The following COLEC10 variants were observed in gnomAD, a reference collection of about 807,000 sequenced individuals.
COLEC10 encodes collectin subfamily member 10.
COLEC10 carries 22 observed loss-of-function variants against 28.4 expected under a neutral mutation model. That is an observed-to-expected ratio of 0.78 (90% CI 0.55 to 1.11). The LOEUF is 1.11. COLEC10 is among the 50% of genes least tolerant of loss of function. The pLI is 0.00. For synonymous variants in COLEC10, 125 were observed against 116.1 expected (o/e 1.08, Z -0.49); for missense variants, 361 against 344.1 (o/e 1.05, Z -0.39).
At chr8:118,986,598 A>G in the COLEC10 span, among the ~76,000 whole-genome samples, 1 of 152,220 alleles carries the variant, frequency 6.6e-6, no homozygotes, top group African/African-American at 2.4e-5. Context: ...ATGAATGAAA[A>G]GAAGACCCAC....
chr8:119,044,959 T>TA (rs1347935653), intron 2 of COLEC10, among the ~76,000 whole-genome samples: 1 of 152,196 alleles, frequency 6.6e-6, no homozygotes. Flanking sequence ...CTGTCATCTA[T>TA]AAAATAAAGG....
At chr8:118,954,068 T>C in the COLEC10 span, among the ~76,000 whole-genome samples, 1 of 152,248 alleles carries the variant, frequency 6.6e-6, no homozygotes, top group Non-Finnish European at 1.5e-5. Flanking sequence ...AAATCTAGAT[T>C]GTAAGCTCCT....
the COLEC10 span, among the ~76,000 whole-genome samples, chr8:118,962,011 C>G: frequency 1.3e-5 from 2 of 152,142 alleles, no homozygotes; most frequent in Admixed American, 6.5e-5. Context: ...CAATCACCCC[C>G]CTGTTGTTTT....
chr8:119,066,518 G>A (rs142327032), upstream of COLEC10, among the ~76,000 whole-genome samples: 277 of 152,138 alleles, frequency 1.8e-3, 3 homozygotes, highest in African/African-American at 6.4e-3. Flanking sequence ...ATATTTTACC[G>A]TAATTTGCCC....
At chr8:118,996,688 T>C (rs1294849562) in intron 1 of COLEC10, among the ~76,000 whole-genome samples, 1 of 152,196 alleles carries the variant, frequency 6.6e-6, no homozygotes, top group Non-Finnish European at 1.5e-5. Context: ...GTTACCACAG[T>C]GAAATACCTG....
the COLEC10 span, among the ~76,000 whole-genome samples, chr8:118,984,840 A>C: frequency 6.6e-6 from 1 of 152,206 alleles, no homozygotes; most frequent in East Asian, 1.9e-4. Context: ...AAGAAGCCTC[A>C]TAATCATGGC....
At position 119,106,098 on chromosome 8, in the gene COLEC10, C is replaced by G. The variant is rs1374255995; in HGVS notation, c.741C>G (p.Asp247Glu). The change falls in exon 6 of 6, where the codon GAC (aspartate) becomes GAG (glutamate). Residue 247 changes from aspartate (D) to glutamate (E), a missense_variant. By Grantham distance (45) the Asp-to-Glu change is conservative. Coordinates refer to ENST00000332843, the MANE Select transcript of COLEC10 (RefSeq NM_006438.5). ...CCAGCGACCCCTATGGTCATGAGGA[C>G]TGTGTGGAGATGCTGAGCTCTGGCA... ...GEPSDPYGHEDCVEMLSSGRW... is the reference protein window; with the variant it reads ...GEPSDPYGHEECVEMLSSGRW... 6.2e-7 allele frequency: 1 copy of G among 1,613,824 alleles called. No homozygotes were observed. The highest frequency in any genetic ancestry group is 8.5e-7 in the Non-Finnish European group (1 of 1,179,848).
At chr8:119,100,602 G>A (rs1815806568) in intron 3 of COLEC10, among the ~76,000 whole-genome samples, 1 of 152,132 alleles carries the variant, frequency 6.6e-6, no homozygotes, top group Non-Finnish European at 1.5e-5. Flanking sequence ...ACCTGACCTT[G>A]TGCCCACTTT....
chr8:118,982,570 A>G, the COLEC10 span: 1 of 189,628 alleles, frequency 5.3e-6, no homozygotes, highest in Non-Finnish European at 1.2e-5. Context: ...TACAAGAATC[A>G]ATCTTCATCT....
chr8:119,092,924 T>G (rs1001100036), intron 3 of COLEC10, among the ~76,000 whole-genome samples: 1 of 151,854 alleles, frequency 6.6e-6, no homozygotes, highest in Non-Finnish European at 1.5e-5. Context: ...AAAAAAGAAT[T>G]ATAATACTGA....
At position 119,033,096 on chromosome 8, in the gene COLEC10, A is replaced by G. The variant is rs571710277; in HGVS notation, n.235+23543A>G. On this transcript the variant is annotated intron_variant and non_coding_transcript_variant, in intron 2 of 6. Transcript: ENST00000521788. ...AGTAAAGATTTGGAAAAGAAAACCC[A>G]CTTAGGGTCTTTTCAAGCTGCAAAT... Among the ~76,000 whole-genome samples the G allele has an allele frequency of 9.2e-5, 14 of 152,220 alleles. No individual in the cohort carries two copies. The East Asian group carries it at 2.7e-3, about 29-fold the overall frequency.
rs747901544 is a variant in COLEC10 at position 119,034,277 on chromosome 8, A to G, written n.235+24724A>G. On this transcript the variant is annotated intron_variant and non_coding_transcript_variant, in intron 2 of 6. Coordinates refer to the COLEC10 transcript ENST00000521788. ...GGTGGGGAGGGATAGCATTTGGAGA[A>G]ATTCCTAATGTAGATGACAGGTTGA... is the stretch of plus-strand genomic sequence containing the variant. Among the ~76,000 whole-genome samples, 102 of 152,098 alleles carry G rather than the reference A, an allele frequency of 6.7e-4. 1 individual carries two copies. The highest frequency in any genetic ancestry group is 1.1e-3 in the Non-Finnish European group (77 of 68,020).
At chr8:119,013,374 GCACAGAA>G (rs1188427704) in intron 2 of COLEC10, among the ~76,000 whole-genome samples, 3 of 150,394 alleles carry the variant, frequency 2.0e-5, no homozygotes, top group Non-Finnish European at 3.0e-5. Flanking sequence ...GTATTTTATG[GCACAGAA>G]TGAAGTTTAT....
chr8:119,071,182 AC>A (rs1348956469), intron 1 of COLEC10, among the ~76,000 whole-genome samples: 23 of 152,246 alleles, frequency 1.5e-4, no homozygotes, highest in African/African-American at 4.6e-4. Flanking sequence ...TGTCTTGGGT[AC>A]TAAAATATGC....
the COLEC10 span, among the ~76,000 whole-genome samples, chr8:118,973,708 A>T: frequency 6.6e-6 from 1 of 152,012 alleles, no homozygotes; most frequent in Non-Finnish European, 1.5e-5. Context: ...GAGCATGAGT[A>T]GCAAGAGACA....
the COLEC10 span, among the ~76,000 whole-genome samples, chr8:118,974,983 T>A: frequency 1.3e-5 from 2 of 151,990 alleles, no homozygotes; most frequent in African/African-American, 4.8e-5. Context: ...TTTGATAAAC[T>A]GCACAAAACA....
At chr8:119,022,149 G>T (rs1814110086) in intron 2 of COLEC10, among the ~76,000 whole-genome samples, 1 of 152,000 alleles carries the variant, frequency 6.6e-6, no homozygotes, top group Non-Finnish European at 1.5e-5. Context: ...GTAACTGTCA[G>T]GACTGTTATA....
intron 1 of COLEC10, among the ~76,000 whole-genome samples, chr8:119,088,261 G>A (rs558369158): frequency 1.3e-5 from 2 of 151,796 alleles, no homozygotes; most frequent in African/African-American, 4.8e-5. Flanking sequence ...GAAAGAAGAA[G>A]AAAAAAATTT....
intron 5 of COLEC10, 41 bp downstream of exon 5, chr8:119,103,936 T>C (rs16892030): frequency 3.9e-6 from 5 of 1,275,058 alleles, no homozygotes; most frequent in Non-Finnish European, 5.7e-6. Flanking sequence ...TATTGATAGA[T>C]CTCCATCAAC....
Sources: allele counts gnomAD v4.1 joint callset (sites outside exome capture counted in the v4.1 genomes callset), GRCh38; gene constraint gnomAD v4.1.1; transcripts MANE v1.5; gene names NCBI Gene and HGNC (gene_info 2026-07-23, HGNC 2026-07-21).